Variants in SLFN5 observed in about 807,000 individuals in gnomAD.
SLFN5 encodes the protein schlafen family member 5.
Under a neutral mutation model 48.5 loss-of-function variants are expected in SLFN5, and 34 were observed. That is an observed-to-expected ratio of 0.70 (90% CI 0.53 to 0.93). SLFN5 has a LOEUF of 0.93. Among genes scored for constraint, SLFN5 ranks in the 40% least tolerant of loss-of-function variants. SLFN5 has a pLI of 0.00. For synonymous variants in SLFN5, 387 were observed against 396.2 expected, an observed-to-expected ratio of 0.98 and a Z score of 0.28; for missense variants, 1,006 against 1,071.3, an observed-to-expected ratio of 0.94 and a Z score of 0.85.
intron 3 of SLFN5, among the ~76,000 whole-genome samples, chr17:35,262,658 T>C (rs1904554110): frequency 6.7e-6 from 1 of 150,170 alleles, no homozygotes; most frequent in Non-Finnish European, 1.5e-5. Flanking sequence ...AGCCCAGGAG[T>C]TCAAGACCAG....
intron 1 of SLFN5, among the ~76,000 whole-genome samples, chr17:35,244,906 C>T (rs1020867464): frequency 2.0e-5 from 3 of 151,870 alleles, no homozygotes; most frequent in Admixed American, 1.3e-4. Context: ...AAGAATTAAA[C>T]TCTTTTGTTT....
At chr17:35,243,589 C>G (rs1300851642) in intron 1 of SLFN5, among the ~76,000 whole-genome samples, 3 of 152,230 alleles carry the variant, frequency 2.0e-5, no homozygotes, top group Non-Finnish European at 4.4e-5. Context: ...GTTCCAGAGG[C>G]TTGCCTATAA....
chr17:35,266,180 G>GCA lies in SLFN5; in HGVS notation c.*293_*294insAC, dbSNP rs1555592885. ...TGTGTGTGTGTGTGTGTGTGTGTGC[G>GCA]CGCGCGCACGTGCACATGTGTGTAG... On this transcript the variant is annotated 3_prime_UTR_variant, in exon 5 of 5. Coordinates refer to ENST00000299977, the MANE Select transcript of SLFN5 (RefSeq NM_144975.4). 21 of 268,514 alleles carry GCA rather than the reference G, an allele frequency of 7.8e-5. No individual in the cohort carries two copies. Among genetic ancestry groups the GCA allele is most frequent in the African/African-American group, 3.8e-4 (17 of 44,836 alleles). The allele number at this position is 268,514 out of a possible 1,614,324, so 16.6% of individuals were successfully genotyped here.
chr17:35,258,560 A>T, intron 1 of SLFN5, 91 bp from the exon 2 acceptor site: 1 of 1,086,372 alleles, frequency 9.2e-7, no homozygotes, highest in Admixed American at 2.7e-5. Context: ...AAATGAAGGG[A>T]CCAACCTCAG....
At chr17:35,265,046 GA>G (rs764239315) in intron 4 of SLFN5, 25 bp from the exon 5 acceptor site, 63 of 1,584,860 alleles carry the variant, frequency 4.0e-5, no homozygotes, top group Non-Finnish European at 5.2e-5. Context: ...TTTCATTGGG[GA>G]AAAACCTGAC....
chr17:35,266,348 T>TGG lies in SLFN5; in HGVS notation c.*462_*463dup, dbSNP rs1904696354. The TGG allele has an allele frequency of 6.5e-6, 1 of 154,492 alleles. No homozygotes were observed. The highest frequency in any genetic ancestry group is 2.4e-5 in the African/African-American group (1 of 41,454). The allele number at this position is 154,492 out of a possible 1,614,324, so 9.6% of individuals were successfully genotyped here. A position where few individuals can be genotyped will look rare whatever the true frequency, so the allele number is the denominator to read the frequency against. Reference sequence around the variant, plus strand: ...ATGGCCACTTGCAGAAGAGCTTGAATGGGACGTGCAGCGAGAATGTGAAGG... The same window carrying TGG: ...ATGGCCACTTGCAGAAGAGCTTGAATGGGGGACGTGCAGCGAGAATGTGAAGG... On this transcript the variant is annotated 3_prime_UTR_variant, in exon 5 of 5. Transcript: ENST00000299977.
rs1449657271 is a variant in SLFN5 at position 35,264,724 on chromosome 17, G to A, written c.1680G>A (p.Gln560=). The A allele has an allele frequency of 1.9e-6, 3 of 1,605,154 alleles. No individual in the cohort carries two copies. Among genetic ancestry groups the A allele is most frequent in the Non-Finnish European group, 2.5e-6 (3 of 1,176,952 alleles). ...TTTTGAACCTACTGACAAATAAACA[G>A]TATGAGTTGCTTTCAAAGAACCTTC... ...SEVLNLLTNK[Q]YELLSKNLRK... The change falls in exon 4 of 5, where the codon CAG becomes CAA. Residue 560 remains glutamine (Q), a synonymous_variant. Transcript: ENST00000299977.
chr17:35,265,162 C>A lies in SLFN5; in HGVS notation c.1950C>A (p.Asp650Glu). The A allele has an allele frequency of 1.2e-6, 2 of 1,614,154 alleles. No homozygotes were observed. The highest frequency in any genetic ancestry group is 1.7e-6 in the Non-Finnish European group (2 of 1,180,016). The change falls in exon 5 of 5, where the codon GAC (aspartate) becomes GAA (glutamate). Residue 650 changes from aspartate (D) to glutamate (E), a missense_variant. Coordinates refer to ENST00000299977, the MANE Select transcript of SLFN5 (RefSeq NM_144975.4). ...FEHIQHIIIDDAQNFRTEDGD... is the reference protein window; with the variant it reads ...FEHIQHIIIDEAQNFRTEDGD... ...ACATCCAGCACATTATCATTGATGACGCTCAGAATTTCCGTACTGAAGATG... is the reference window on the plus strand; with the variant it reads ...ACATCCAGCACATTATCATTGATGAAGCTCAGAATTTCCGTACTGAAGATG...
chr17:35,253,165 C>A (rs550185821), intron 1 of SLFN5, among the ~76,000 whole-genome samples: 1 of 152,116 alleles, frequency 6.6e-6, no homozygotes, highest in East Asian at 1.9e-4. Context: ...GGTGTATATG[C>A]TCCCTTGGAC....
intron 1 of SLFN5, among the ~76,000 whole-genome samples, chr17:35,243,706 G>A (rs1408084311): frequency 6.6e-6 from 1 of 152,204 alleles, no homozygotes; most frequent in Admixed American, 6.5e-5. Flanking sequence ...TAGAGCCCTA[G>A]TTGGTCATAT....
chr17:35,256,922 C>A (rs575806244), intron 1 of SLFN5, among the ~76,000 whole-genome samples: 1 of 152,268 alleles, frequency 6.6e-6, no homozygotes, highest in Admixed American at 6.5e-5. Context: ...TGAGCATTAC[C>A]GCCTGAGCTT....
intron 3 of SLFN5, among the ~76,000 whole-genome samples, chr17:35,262,428 A>C (rs1209299723): frequency 6.6e-6 from 1 of 152,038 alleles, no homozygotes; most frequent in Non-Finnish European, 1.5e-5. Context: ...TCCAAGTAGT[A>C]ATAATTACTT....
chr17:35,258,066 C>T (rs548329475), intron 1 of SLFN5, among the ~76,000 whole-genome samples: 8 of 152,222 alleles, frequency 5.3e-5, no homozygotes, highest in Non-Finnish European at 1.0e-4. Flanking sequence ...AAATACACAG[C>T]ATAAATATAA....
chr17:35,248,753 C>T (rs2092436119), intron 1 of SLFN5, among the ~76,000 whole-genome samples: 1 of 152,092 alleles, frequency 6.6e-6, no homozygotes, highest in Admixed American at 6.6e-5. Flanking sequence ...TAAAGGTTTC[C>T]CTAAACCCAG....
intron 2 of SLFN5, among the ~76,000 whole-genome samples, chr17:35,260,313 T>C (rs1310591184): frequency 6.6e-6 from 1 of 152,164 alleles, no homozygotes; most frequent in Non-Finnish European, 1.5e-5. Context: ...AGAAAACCAA[T>C]AGTAACTTCT....
chr17:35,258,809 A>G lies in SLFN5; in HGVS notation c.119A>G (p.Asn40Ser). 1.2e-6 allele frequency: 2 copies of G among 1,614,184 alleles called. No individual in the cohort carries two copies. Among genetic ancestry groups the G allele is most frequent in the African/African-American group, 1.3e-5 (1 of 75,036 alleles). The stretch of plus-strand genomic sequence containing the variant: ...GACCCTCGCCTGCGGGAGAAACAGA[A>G]TGAAATCATCCTGCGAGCAGTATGT... ...EMDPRLREKQ[N>S]EIILRAVCAL... Residue 40 changes from asparagine to serine, a missense_variant, in exon 2 of 5, where the codon AAT becomes AGT. Transcript: ENST00000299977.
At chr17:35,259,806 A>G (rs1275225624) in intron 2 of SLFN5, 104 bp downstream of exon 2, 10 of 1,345,470 alleles carry the variant, frequency 7.4e-6, no homozygotes, top group African/African-American at 1.5e-5. Flanking sequence ...CTGGGGAAAG[A>G]GATTTACTCT....
chr17:35,250,441 C>T (rs1305914916), intron 1 of SLFN5, among the ~76,000 whole-genome samples: 1 of 152,080 alleles, frequency 6.6e-6, no homozygotes, highest in Non-Finnish European at 1.5e-5. Flanking sequence ...GGGCGGATCA[C>T]GAGGTCAGAT....
intron 1 of SLFN5, among the ~76,000 whole-genome samples, chr17:35,254,270 A>C (rs1489057523): frequency 6.6e-6 from 1 of 152,274 alleles, no homozygotes; most frequent in African/African-American, 2.4e-5. Flanking sequence ...CAGTTTACTA[A>C]GTGATCTGTC....
Sources: allele counts gnomAD v4.1 joint callset (sites outside exome capture counted in the v4.1 genomes callset), GRCh38; gene constraint gnomAD v4.1.1; transcripts MANE v1.5; gene names NCBI Gene and HGNC (gene_info 2026-07-23, HGNC 2026-07-21).